The following AMMECR1 variants were observed in gnomAD, a reference collection of about 807,000 sequenced individuals.
AMMECR1 encodes nuclear protein AMMECR1.
In AMMECR1, 3 loss-of-function variants were observed where a neutral mutation model predicts 22.5. The ratio of observed to expected loss-of-function variants is 0.13; its 90% CI spans 0.06 to 0.35. The LOEUF (loss-of-function observed/expected upper bound fraction) is 0.35, where lower values mean the gene tolerates loss of function less well. Ranked by LOEUF, AMMECR1 falls within the 10% of genes least tolerant of loss-of-function variation. The probability of loss-of-function intolerance (pLI) is 1.00; values close to 1 mark genes in which losing one functional copy is unlikely to be tolerated. For missense variants in AMMECR1, 235 were observed against 278.7 expected (o/e 0.84, Z 1.12); for synonymous variants, 130 against 116.7 (o/e 1.11, Z -0.74).
At chrX:110,314,247 T>G (rs1008700315) in intron 1 of AMMECR1, among the ~76,000 whole-genome samples, 1 of 111,873 alleles carries the variant, frequency 8.9e-6, no homozygotes, top group Non-Finnish European at 1.9e-5. Context: ...AGGTGATGTC[T>G]TCTGCAGACC....
chrX:110,270,041 GC>G (rs2067790747), intron 1 of AMMECR1, among the ~76,000 whole-genome samples: 1 of 111,426 alleles, frequency 9.0e-6, no homozygotes, highest in Admixed American at 9.5e-5. Context: ...TACTCACATA[GC>G]TTTTCCTCTG....
intron 2 of AMMECR1, among the ~76,000 whole-genome samples, chrX:110,262,989 A>G: frequency 9.0e-6 from 1 of 111,636 alleles, no homozygotes; most frequent in Non-Finnish European, 1.9e-5. Flanking sequence ...AGTTGTTTAC[A>G]TTTTTTAACC....
intron 3 of AMMECR1, among the ~76,000 whole-genome samples, chrX:110,207,972 A>AAAAC (rs766743221): frequency 2.4e-4 from 27 of 111,617 alleles, no homozygotes; most frequent in South Asian, 7.5e-4. Flanking sequence ...CTGTCTCTAA[A>AAAAC]AAACAAACAA....
At chrX:110,430,681 A>C (rs1210565632) in intron 1 of AMMECR1, among the ~76,000 whole-genome samples, 1 of 112,542 alleles carries the variant, frequency 8.9e-6, no homozygotes, top group Non-Finnish European at 1.9e-5. Context: ...GTTGTCAGTT[A>C]ACCCTTGTAT....
chrX:110,333,985 T>G (rs980508488), intron 2 of AMMECR1, among the ~76,000 whole-genome samples: 1 of 111,488 alleles, frequency 9.0e-6, no homozygotes, highest in African/African-American at 3.3e-5. Flanking sequence ...TAAAATAAAA[T>G]AAAATCAGAT....
upstream of AMMECR1, chrX:110,318,153 G>A (rs1185765274): frequency 3.5e-5 from 31 of 879,120 alleles, no homozygotes; most frequent in Non-Finnish European, 4.3e-5. Context: ...CTGCGGCTCA[G>A]GCCGCCGGGG....
intron 1 of AMMECR1, among the ~76,000 whole-genome samples, chrX:110,285,577 A>G (rs920938253): frequency 4.5e-5 from 5 of 112,214 alleles, no homozygotes; most frequent in African/African-American, 1.6e-4. Flanking sequence ...AAGGATTTCC[A>G]AATGCAGAAT....
chrX:110,350,462 G>C (rs1381305412), intron 2 of AMMECR1, among the ~76,000 whole-genome samples: 1 of 111,488 alleles, frequency 9.0e-6, no homozygotes, highest in Non-Finnish European at 1.9e-5. Context: ...AATTAGGGAA[G>C]AAAAAGAAAT....
chrX:110,430,232 G>A lies in AMMECR1; in HGVS notation c.-293-3429C>T, dbSNP rs143511540. 5.5e-3 allele frequency among the ~76,000 whole-genome samples: 616 copies of A among 112,643 alleles called. 4 individuals are homozygous for A. Among genetic ancestry groups the A allele is most frequent in the African/African-American group, 0.018 (560 of 31,027 alleles). On this transcript the variant is annotated intron_variant, in intron 1 of 7. Coordinates refer to the AMMECR1 transcript ENST00000372057. Reference sequence around the variant, plus strand: ...GGATGAATGAATGTGGTACTTTACCGCTTCTTTTGGAAGCCCAATAAGAAT... The same window carrying A: ...GGATGAATGAATGTGGTACTTTACCACTTCTTTTGGAAGCCCAATAAGAAT...
intron 2 of AMMECR1, among the ~76,000 whole-genome samples, chrX:110,218,001 C>G (rs375763171): frequency 1.4e-4 from 15 of 111,004 alleles, no homozygotes; most frequent in African/African-American, 4.9e-4. Flanking sequence ...CAAGATTAAC[C>G]AAGAAAATCA....
chrX:110,360,818 A>G (rs186428344), intron 2 of AMMECR1, among the ~76,000 whole-genome samples: 7 of 111,228 alleles, frequency 6.3e-5, no homozygotes, highest in Non-Finnish European at 1.1e-4. Flanking sequence ...AGCAGTGGGA[A>G]TGGAAGGAAA....
chrX:110,216,707 T>A, intron 2 of AMMECR1, 75 bp from the exon 3 acceptor site: 1 of 652,625 alleles, frequency 1.5e-6, no homozygotes, highest in South Asian at 3.1e-5. Context: ...AACAATTGTT[T>A]GAAAAAGGTA....
At chrX:110,405,097 C>T (rs186850485) in intron 2 of AMMECR1, among the ~76,000 whole-genome samples, 29 of 101,239 alleles carry the variant, frequency 2.9e-4, no homozygotes, top group African/African-American at 5.8e-4. Context: ...GTCCCCCCCC[C>T]CCCCAAGCAT....
intron 1 of AMMECR1, among the ~76,000 whole-genome samples, chrX:110,428,606 C>T (rs1049630430): frequency 1.8e-5 from 2 of 111,254 alleles, no homozygotes; most frequent in African/African-American, 3.3e-5. Flanking sequence ...ACACTCCCCC[C>T]CTCTCCAAGA....
At chrX:110,349,516 C>T (rs1022428976) in intron 2 of AMMECR1, among the ~76,000 whole-genome samples, 12 of 111,485 alleles carry the variant, frequency 1.1e-4, no homozygotes, top group African/African-American at 3.9e-4. Flanking sequence ...AAGTTCAGTT[C>T]ATTTGTGTTT....
chrX:110,219,953 A>G (rs756765650), intron 2 of AMMECR1, among the ~76,000 whole-genome samples: 1 of 112,217 alleles, frequency 8.9e-6, no homozygotes, highest in African/African-American at 3.2e-5. Flanking sequence ...AGGATTTAAG[A>G]GATTACAAAA....
At chrX:110,305,275 G>T (rs775557819) in intron 1 of AMMECR1, 1 of 112,147 alleles carries the variant, frequency 8.9e-6, no homozygotes, top group Non-Finnish European at 1.9e-5. Context: ...ATAAGAGATA[G>T]GTATTGATGT....
chrX:110,438,646 G>A (rs916621456), intron 1 of AMMECR1, among the ~76,000 whole-genome samples: 1 of 110,843 alleles, frequency 9.0e-6, no homozygotes, highest in Non-Finnish European at 1.9e-5. Flanking sequence ...AAACAAATCC[G>A]GTCTCCACCA....
Position 110,200,957 on chromosome X carries a change from G to A in AMMECR1, c.884C>T (p.Thr295Ile). 1 of 1,198,682 alleles carries A rather than the reference G, an allele frequency of 8.3e-7. No homozygotes were observed. Among genetic ancestry groups the A allele is most frequent in the Non-Finnish European group, 1.1e-6 (1 of 884,391 alleles). ...TNEFRKTIKL[T>I]RYRSEKMTLS... ...TGCTAGAAAATGTCTTCTGTACCTG[G>A]TCAGTTTTATGGTTTTCCTGAATTC... The change falls in exon 5 of 6, where the codon ACC (threonine) becomes ATC (isoleucine). Residue 295 changes from threonine (T) to isoleucine (I), a missense_variant. Transcript: ENST00000262844.
Sources: allele counts gnomAD v4.1 joint callset (sites outside exome capture counted in the v4.1 genomes callset), GRCh38; gene constraint gnomAD v4.1.1; transcripts MANE v1.5; gene names NCBI Gene and HGNC (gene_info 2026-07-23, HGNC 2026-07-21).